ASPH: variants seen among roughly 807,000 people sequenced by gnomAD.
ASPH encodes aspartate beta-hydroxylase, also known as aspartyl/asparaginyl beta-hydroxylase.
Under a neutral mutation model 118.4 loss-of-function variants are expected in ASPH, and 100 were observed. The observed-to-expected ratio is 0.84, with a 90% CI of 0.72 to 1.00. The LOEUF (loss-of-function observed/expected upper bound fraction) is 1.00, where lower values mean the gene tolerates loss of function less well. ASPH is among the 50% of genes least tolerant of loss of function. The pLI, the probability that ASPH is intolerant of heterozygous loss-of-function variation, is 0.00. For missense variants in ASPH, 920 were observed against 919.5 expected, an observed-to-expected ratio of 1.00 and a Z score of -0.01; for synonymous variants, 315 against 325.6, an observed-to-expected ratio of 0.97 and a Z score of 0.35.
intron 24 of ASPH, among the ~76,000 whole-genome samples, chr8:61,513,975 C>T (rs925604255): frequency 6.6e-6 from 1 of 152,128 alleles, no homozygotes; most frequent in African/African-American, 2.4e-5. Flanking sequence ...GCAGGTCTCC[C>T]AGCATCACTC....
intron 15 of ASPH, chr8:61,579,375 A>G: frequency 1.2e-6 from 2 of 1,614,136 alleles, no homozygotes; most frequent in Non-Finnish European, 1.7e-6. Flanking sequence ...GGCCCTGGAC[A>G]TCGAGATCGC....
chr8:61,526,447 C>T (rs1815378290), intron 21 of ASPH, among the ~76,000 whole-genome samples: 1 of 152,152 alleles, frequency 6.6e-6, no homozygotes, highest in Non-Finnish European at 1.5e-5. Flanking sequence ...CAGATTACAT[C>T]AGTACACTGT....
At chr8:61,517,103 C>T (rs1252277484) in intron 24 of ASPH, 1 of 157,582 alleles carries the variant, frequency 6.3e-6, no homozygotes, top group Non-Finnish European at 1.4e-5. Context: ...ATACCATCTC[C>T]TCTATATCAA....
chr8:61,516,281 T>G (rs1810890035), intron 24 of ASPH, among the ~76,000 whole-genome samples: 1 of 152,164 alleles, frequency 6.6e-6, no homozygotes, highest in Admixed American at 6.5e-5. Flanking sequence ...ATCTGTAGTA[T>G]TTTTAGCTTA....
At chr8:61,671,039 T>C (rs905973445) in intron 3 of ASPH, among the ~76,000 whole-genome samples, 3 of 152,104 alleles carry the variant, frequency 2.0e-5, no homozygotes, top group African/African-American at 7.2e-5. Context: ...GATTTTTTTT[T>C]CCCAGCAACA....
chr8:61,614,921 ATCATG>A (rs754648171), intron 14 of ASPH, among the ~76,000 whole-genome samples: 5 of 152,160 alleles, frequency 3.3e-5, no homozygotes, highest in African/African-American at 4.8e-5. Flanking sequence ...CCTGGTCATC[ATCATG>A]TCTTGCCTGG....
At chr8:61,527,540 TATG>T (rs1351458180) in intron 21 of ASPH, among the ~76,000 whole-genome samples, 1 of 152,276 alleles carries the variant, frequency 6.6e-6, no homozygotes, top group Non-Finnish European at 1.5e-5. Flanking sequence ...TTTATAATTT[TATG>T]ATATGTATGC....
At chr8:61,547,895 T>C (rs924581124) in intron 21 of ASPH, among the ~76,000 whole-genome samples, 176 bp downstream of exon 21, 1 of 152,170 alleles carries the variant, frequency 6.6e-6, no homozygotes, top group Non-Finnish European at 1.5e-5. Context: ...CCCTTCATCA[T>C]CTAAATGAAA....
intron 2 of ASPH, chr8:61,682,490 G>T: frequency 6.2e-7 from 1 of 1,611,762 alleles, no homozygotes; most frequent in South Asian, 1.1e-5. Context: ...TTGGCTGCAT[G>T]CATGTAAAAA....
At chr8:61,576,744 T>C in intron 16 of ASPH, 28 bp downstream of exon 16, 16 of 1,569,556 alleles carry the variant, frequency 1.0e-5, no homozygotes, top group Non-Finnish European at 1.3e-5. Context: ...ATCAAAAAAG[T>C]GTCCTAAGGA....
chr8:61,633,652 A>C, intron 13 of ASPH, 31 bp downstream of exon 13: 1 of 1,565,334 alleles, frequency 6.4e-7, no homozygotes, highest in Non-Finnish European at 8.7e-7. Context: ...GGATAACAAA[A>C]GAGGAAAATA....
chr8:61,650,834 G>T (rs1563388553), intron 5 of ASPH, among the ~76,000 whole-genome samples: 1 of 152,122 alleles, frequency 6.6e-6, no homozygotes, highest in Non-Finnish European at 1.5e-5. Context: ...TTCTCTCTTA[G>T]ATGTATGCAG....
chr8:61,562,815 AG>A lies in ASPH; in HGVS notation c.1365del (p.Leu456Ter). Reference sequence around the variant, plus strand: ...TATCCCACGCCAAGGTCATTTTTTAAGGAAGTATCATTGGGAAATAGTTGAA... The same window carrying A: ...TATCCCACGCCAAGGTCATTTTTTAAGAAGTATCATTGGGAAATAGTTGAA... ...RLVQLFPNDT[S>X]LKNDLGVGYL... On this transcript the variant is annotated frameshift_variant, in exon 18 of 25. Coordinates refer to ENST00000379454, the MANE Select transcript of ASPH (RefSeq NM_004318.4). LOFTEE classifies it high-confidence loss of function. The A allele has an allele frequency of 6.2e-7, 1 of 1,613,020 alleles. No homozygotes were observed. Among genetic ancestry groups the A allele is most frequent in the Non-Finnish European group, 8.5e-7 (1 of 1,179,570 alleles).
chr8:61,529,724 C>T (rs985764652), intron 21 of ASPH, among the ~76,000 whole-genome samples: 1 of 152,106 alleles, frequency 6.6e-6, no homozygotes, highest in Non-Finnish European at 1.5e-5. Context: ...TATTTATTTC[C>T]CACAGTTCTG....
At chr8:61,562,549 T>G (rs1830369752) in intron 18 of ASPH, among the ~76,000 whole-genome samples, 195 bp downstream of exon 18, 1 of 152,116 alleles carries the variant, frequency 6.6e-6, no homozygotes, top group African/African-American at 2.4e-5. Flanking sequence ...GTACTAAGTG[T>G]TAACTAAGAT....
intron 6 of ASPH, among the ~76,000 whole-genome samples, 172 bp from the exon 7 acceptor site, chr8:61,644,804 T>C (rs191131969): frequency 3.3e-5 from 5 of 152,326 alleles, no homozygotes; most frequent in Admixed American, 2.6e-4. Flanking sequence ...AGAAGTACAC[T>C]GTGGGATGTC....
chr8:61,545,109 G>A (rs1823313022), intron 21 of ASPH, among the ~76,000 whole-genome samples: 1 of 152,190 alleles, frequency 6.6e-6, no homozygotes, highest in Admixed American at 6.5e-5. Context: ...GACTGCTGTG[G>A]TCTGAACGTT....
At chr8:61,598,033 A>G (rs910896534) in intron 14 of ASPH, among the ~76,000 whole-genome samples, 3 of 152,262 alleles carry the variant, frequency 2.0e-5, no homozygotes, top group African/African-American at 7.2e-5. Flanking sequence ...AAACTGCATG[A>G]TAAACAACAG....
chr8:61,628,396 T>A, intron 13 of ASPH: 2 of 296,646 alleles, frequency 6.7e-6, no homozygotes, highest in South Asian at 5.6e-5. Flanking sequence ...CTCAAACTCC[T>A]GAGCTCAAGC....
Sources: gnomAD v4.1 joint callset for allele counts (sites outside exome capture counted in the v4.1 genomes callset) on GRCh38, gnomAD v4.1.1 for gene constraint, MANE v1.5 for transcripts, NCBI Gene and HGNC (gene_info 2026-07-23, HGNC 2026-07-21) for gene names.